POLR1C: variants seen among roughly 807,000 people sequenced by gnomAD.
The protein encoded by POLR1C is DNA-directed RNA polymerases I and III subunit RPAC1.
Under a neutral mutation model 38.3 loss-of-function variants are expected in POLR1C, and 42 were observed. The observed-to-expected ratio is 1.10, with a 90% CI of 0.86 to 1.42. POLR1C has a LOEUF of 1.42. POLR1C is among the 40% of genes most tolerant of loss of function. The probability of loss-of-function intolerance (pLI) is 0.00; values close to 1 mark genes in which losing one functional copy is unlikely to be tolerated. For synonymous variants in POLR1C, 163 were observed against 163.9 expected, an observed-to-expected ratio of 0.99 and a Z score of 0.04; for missense variants, 507 against 450.5, an observed-to-expected ratio of 1.13 and a Z score of -1.14.
In POLR1C at chr6:43,521,422, A is replaced by AATC. The variant is rs1197659019; in HGVS notation, c.*124_*126dup. ...AGTTTTCTGGGACAATTCCAGCTTT[A>AATC]ATCAATACATTTTGTTAAATGTGCC... is the stretch of plus-strand genomic sequence containing the variant. On this transcript the variant is annotated 3_prime_UTR_variant, in exon 9 of 9. Transcript: ENST00000642195. 1.8e-5 allele frequency: 29 copies of AATC among 1,575,600 alleles called. No homozygotes were observed. Among genetic ancestry groups the AATC allele is most frequent in the South Asian group, 6.8e-5 (6 of 87,714 alleles).
At chr6:43,543,102 C>A (rs531736597) in intron 9 of POLR1C, among the ~76,000 whole-genome samples, 15 of 152,268 alleles carry the variant, frequency 9.9e-5, no homozygotes, top group South Asian at 8.3e-4. Flanking sequence ...GAAAGGAAGG[C>A]AGACACCAAA....
chr6:43,525,898 C>A, downstream of POLR1C: 1 of 1,613,984 alleles, frequency 6.2e-7, no homozygotes, highest in Non-Finnish European at 8.5e-7. Context: ...GAGGGGGTGA[C>A]CTCTGTGGCC....
At chr6:43,537,140 CT>C (rs70990198) in intron 9 of POLR1C, among the ~76,000 whole-genome samples, 413 of 137,122 alleles carry the variant, frequency 3.0e-3, no homozygotes, top group Non-Finnish European at 3.7e-3. Flanking sequence ...ATAATTAAAA[CT>C]TTTTTTTTTT....
chr6:43,518,647 C>G (rs1481627939), intron 2 of POLR1C, among the ~76,000 whole-genome samples: 1 of 152,112 alleles, frequency 6.6e-6, no homozygotes, highest in African/African-American at 2.4e-5. Context: ...GAGTGGAGCT[C>G]AGAGCTCAGA....
At chr6:43,530,550 A>G (rs1350664885), downstream of POLR1C, 2 of 1,028,452 alleles carry the variant, frequency 1.9e-6, no homozygotes, top group East Asian at 5.5e-5. Context: ...AGTGTTTTTA[A>G]TGACATGATA....
At chr6:43,517,509 G>T in intron 2 of POLR1C, 132 bp downstream of exon 2, 1 of 781,044 alleles carries the variant, frequency 1.3e-6, no homozygotes, top group Non-Finnish European at 2.2e-6. Flanking sequence ...TGTGCTAGAC[G>T]CTCCGTTTAC....
downstream of POLR1C, chr6:43,523,812 C>T (rs750867044): frequency 6.2e-7 from 1 of 1,613,398 alleles, no homozygotes; most frequent in Non-Finnish European, 8.5e-7. Context: ...AGATCGGCTA[C>T]AAAGGGAAAG....
chr6:43,536,093 G>A (rs1794304180), intron 9 of POLR1C, among the ~76,000 whole-genome samples: 1 of 151,472 alleles, frequency 6.6e-6, no homozygotes, highest in South Asian at 2.1e-4. Flanking sequence ...GGGTGACAGA[G>A]CGAGACTCCC....
Position 43,519,690 on chromosome 6 carries a change from A to AT in POLR1C, c.250-11dup, listed in dbSNP as rs1456321889. ...GTTGGGTTTTTGCAGATAAGTGGTT[A>AT]TTTTTCCTTGGGCAGGTGCCAACTA... On this transcript the variant is annotated splice_polypyrimidine_tract_variant and intron_variant, in intron 3 of 8. Transcript: ENST00000642195. 1.9e-6 allele frequency: 3 copies of AT among 1,613,918 alleles called. No individual in the cohort carries two copies. The African/African-American group carries it at 4.0e-5, about 22-fold the overall frequency.
Position 43,560,930 on chromosome 6 carries a change from T to C in POLR1C, c.*49-470T>C, listed in dbSNP as rs773736729. 8.1e-6 allele frequency: 13 copies of C among 1,613,678 alleles called. No individual in the cohort carries two copies. In the South Asian group the frequency reaches 1.4e-4, roughly 18 times the overall value. ...TTACCTGTATAAAGTTTACCTGACT[T>C]GGATGGGTTGTGAAAGCAAGAAAAG... On this transcript the variant is annotated intron_variant, in intron 10 of 10. Coordinates refer to the POLR1C transcript ENST00000607635.
chr6:43,520,562 G>A (rs1793104078), intron 6 of POLR1C, 63 bp from the exon 7 acceptor site: 2 of 1,601,678 alleles, frequency 1.2e-6, no homozygotes, highest in Admixed American at 1.7e-5. Flanking sequence ...TAGTAGCTTA[G>A]GAGGAGTATT....
intron 10 of POLR1C, among the ~76,000 whole-genome samples, chr6:43,557,700 CTG>C (rs1211678275): frequency 6.9e-6 from 1 of 144,096 alleles, no homozygotes; most frequent in Non-Finnish European, 1.5e-5. Context: ...CTGCACAACT[CTG>C]TAAAAATACT....
At chr6:43,554,034 T>C (rs1390850464) in intron 10 of POLR1C, among the ~76,000 whole-genome samples, 4 of 152,242 alleles carry the variant, frequency 2.6e-5, no homozygotes, top group African/African-American at 7.2e-5. Context: ...GGTGCCATCC[T>C]TCAAGTTTAC....
intron 9 of POLR1C, among the ~76,000 whole-genome samples, chr6:43,545,017 C>T (rs1794896036): frequency 1.3e-5 from 2 of 152,068 alleles, no homozygotes; most frequent in South Asian, 4.1e-4. Context: ...GGATTACAGG[C>T]ATGTGCCACC....
rs530737866 is a variant in POLR1C, at chr6:43,547,549, G to A, written c.*5-3419G>A. The A allele has an allele frequency of 1.1e-5, 17 of 1,522,746 alleles. No homozygotes were observed. The African/African-American group carries it at 1.5e-4, about 13-fold the overall frequency. 94.3% of individuals were successfully genotyped at this position (1,522,746 alleles called of 1,614,324 possible). A position where few individuals can be genotyped will look rare whatever the true frequency, so the allele number is the denominator to read the frequency against. Reference sequence around the variant, plus strand: ...CAAATCTATGAGAAACTTGACAAAAGACAACACCCTACTCCTACCCATGGC... The same window carrying A: ...CAAATCTATGAGAAACTTGACAAAAAACAACACCCTACTCCTACCCATGGC... On this transcript the variant is annotated intron_variant, in intron 9 of 10. Coordinates refer to the POLR1C transcript ENST00000607635.
intron 9 of POLR1C, chr6:43,547,817 T>C (rs1337438125): frequency 1.2e-6 from 1 of 824,496 alleles, no homozygotes; most frequent in African/African-American, 1.7e-5. Context: ...GCAGTTTTTA[T>C]AGTGAGAGGA....
chr6:43,537,110 G>GT (rs1794384072), intron 9 of POLR1C, among the ~76,000 whole-genome samples: 1 of 151,372 alleles, frequency 6.6e-6, no homozygotes, highest in Non-Finnish European at 1.5e-5. Context: ...GGGACTATAA[G>GT]TGTGCACCAC....
intron 9 of POLR1C, among the ~76,000 whole-genome samples, chr6:43,542,965 G>A (rs1470882211): frequency 2.0e-5 from 3 of 151,936 alleles, no homozygotes. Context: ...ATCACCCAAA[G>A]GTCCATCAAG....
chr6:43,544,040 A>G (rs1342802646), intron 9 of POLR1C: 3 of 152,382 alleles, frequency 2.0e-5, no homozygotes, highest in Non-Finnish European at 4.4e-5. Context: ...CAAGCAATCT[A>G]CTCTATCATT....
Sources: gnomAD v4.1 joint callset for allele counts (sites outside exome capture counted in the v4.1 genomes callset) on GRCh38, gnomAD v4.1.1 for gene constraint, MANE v1.5 for transcripts, NCBI Gene and HGNC (gene_info 2026-07-23, HGNC 2026-07-21) for gene names.